The following UBA7 variants were observed in gnomAD, a reference collection of about 807,000 sequenced individuals.
UBA7 encodes ubiquitin-like modifier-activating enzyme 7.
In UBA7, 88 loss-of-function variants were observed where a neutral mutation model predicts 113.0. That is an observed-to-expected ratio of 0.78 (90% CI 0.66 to 0.93). The LOEUF is 0.93. Among genes scored for constraint, UBA7 ranks in the 40% least tolerant of loss-of-function variants. The pLI is 0.00. For synonymous variants in UBA7, 459 were observed against 513.0 expected (o/e 0.89, Z 1.42); for missense variants, 1,092 against 1,266.4 (o/e 0.86, Z 2.09).
chr3:49,805,841 C>G (rs1324595779), intron 23 of UBA7, 56 bp downstream of exon 23: 25 of 1,501,390 alleles, frequency 1.7e-5, no homozygotes, highest in Middle Eastern at 4.1e-4. Flanking sequence ...AGTGTGGTCC[C>G]TAGCCCCAGC....
At chr3:49,808,597 C>G (rs1162305635) in intron 18 of UBA7, 129 bp from the exon 19 acceptor site, 1 of 1,000,482 alleles carries the variant, frequency 1.0e-6, no homozygotes, top group Non-Finnish European at 1.5e-6. Context: ...CAAGAAGCCC[C>G]CTTAATTAAT....
At position 49,807,155 on chromosome 3, in the gene UBA7, T is replaced by G. The variant is rs2081467545; in HGVS notation, c.2715+581A>C. ...CATGCATCTCCATGCATGCCCACAT[T>G]GAGGACACAGGAAGATGGGAGCCCT... On this transcript the variant is annotated intron_variant, in intron 21 of 23. Transcript: ENST00000333486. This position sits in a 1 kb window ranked among gnomAD's most constrained non-coding sequence, Gnocchi z 4.0. Among the ~76,000 whole-genome samples, 1 of 152,108 alleles carries G rather than the reference T, an allele frequency of 6.6e-6. No individual in the cohort carries two copies. The highest frequency in any genetic ancestry group is 2.4e-5 in the African/African-American group (1 of 41,424).
chr3:49,806,356 G>A (rs2081453282), intron 21 of UBA7, 191 bp from the exon 22 acceptor site: 1 of 609,812 alleles, frequency 1.6e-6, no homozygotes, highest in African/African-American at 1.9e-5. Flanking sequence ...GGCCAGCACA[G>A]GAAATGGGGC....
In UBA7 at chr3:49,805,979, C is replaced by T; in HGVS notation, c.2827G>A (p.Val943Met). 6.4e-7 allele frequency: 1 copy of T among 1,566,890 alleles called. No individual in the cohort carries two copies. Among genetic ancestry groups the T allele is most frequent in the Non-Finnish European group, 8.7e-7 (1 of 1,155,690 alleles). The change falls in exon 23 of 24, where the codon GTG becomes ATG. Residue 943 changes from valine (V) to methionine (M), a missense_variant. Physicochemically the swap from Val to Met is conservative, Grantham distance 21. Transcript: ENST00000333486. ...AHLQEQHGLR[V>M]RILLHGSALL... is the part of the protein sequence containing the mutation. ...GCTGAGCCGTGCAGCAGGATCCTCACCCTCAACCCGTGCTGCTCCTAGAGG... is the reference window on the plus strand; with the variant it reads ...GCTGAGCCGTGCAGCAGGATCCTCATCCTCAACCCGTGCTGCTCCTAGAGG...
Position 49,807,932 on chromosome 3 carries a change from C to G in UBA7, c.2524-5G>C, listed in dbSNP as rs549814453. On this transcript the variant is annotated splice_polypyrimidine_tract_variant and splice_region_variant and intron_variant, in intron 20 of 23. Transcript: ENST00000333486. This position sits in a 1 kb window ranked among gnomAD's most constrained non-coding sequence, Gnocchi z 4.0. ...CTGGCCCACAATTCGCTTGCTCTGC[C>G]AAGGACAAGAGATTTGGTCTGGGCC... 6.2e-7 allele frequency: 1 copy of G among 1,612,566 alleles called. No homozygotes were observed. Among genetic ancestry groups the G allele is most frequent in the East Asian group, 2.2e-5 (1 of 44,822 alleles).
intron 23 of UBA7, 21 bp downstream of exon 23, chr3:49,805,876 T>A (rs1185681626): frequency 6.5e-7 from 1 of 1,548,848 alleles, no homozygotes; most frequent in South Asian, 1.2e-5. Context: ...GGGGCCTGTC[T>A]AAAGCCCCAA....
At chr3:49,812,603 G>A (rs747970124) in intron 5 of UBA7, 45 bp downstream of exon 5, 1 of 1,614,178 alleles carries the variant, frequency 6.2e-7, no homozygotes, top group Non-Finnish European at 8.5e-7. Context: ...GGCCCTGGCA[G>A]CCTCTCCTTG....
In UBA7 at chr3:49,807,644, G is replaced by T. The variant is rs765730931; in HGVS notation, c.2715+92C>A. On this transcript the variant is annotated intron_variant, in intron 21 of 23. Transcript: ENST00000333486. The surrounding 1 kb of genome is among the most constrained non-coding windows in gnomAD (Gnocchi z 4.0). ...GGACTTCTGCACAGTCTGAGTTTCA[G>T]TGAGAGCCGGCAGCTAGATTGGGGC... The T allele has an allele frequency of 1.0e-5, 15 of 1,456,078 alleles. No homozygotes were observed. The highest frequency in any genetic ancestry group is 2.3e-5 in the East Asian group (1 of 43,250). 90.2% of individuals were successfully genotyped at this position (1,456,078 alleles called of 1,614,324 possible).
chr3:49,807,975 G>T lies in UBA7; in HGVS notation c.2523+45C>A. 2 of 1,614,070 alleles carry T rather than the reference G, an allele frequency of 1.2e-6. No individual in the cohort carries two copies. The highest frequency in any genetic ancestry group is 1.7e-6 in the Non-Finnish European group (2 of 1,179,964). On this transcript the variant is annotated intron_variant, in intron 20 of 23. Coordinates refer to ENST00000333486, the MANE Select transcript of UBA7 (RefSeq NM_003335.3). The surrounding 1 kb of genome is among the most constrained non-coding windows in gnomAD (Gnocchi z 4.0). ...TCTGGGCCCAAGGCGTAGGGCCAGGGTTTGCCCTCCACCTCCAGGCCCAAG... is the reference window on the plus strand; with the variant it reads ...TCTGGGCCCAAGGCGTAGGGCCAGGTTTTGCCCTCCACCTCCAGGCCCAAG...
Position 49,813,943 on chromosome 3 carries a change from C to A in UBA7, c.-156G>T. On this transcript the variant is annotated 5_prime_UTR_variant, in exon 1 of 24. It adds an upstream start codon to the 5' untranslated region. Coordinates refer to ENST00000333486, the MANE Select transcript of UBA7 (RefSeq NM_003335.3). ...GACGCTGCTGGTCACAGCTCTCTTCCTGGAGAAAAGAAAAGTGAAAGTTAA... is the reference window on the plus strand; with the variant it reads ...GACGCTGCTGGTCACAGCTCTCTTCATGGAGAAAAGAAAAGTGAAAGTTAA... 1.4e-6 allele frequency: 1 copy of A among 698,268 alleles called. No individual in the cohort carries two copies. The highest frequency in any genetic ancestry group is 1.8e-5 in the South Asian group (1 of 55,116). The allele number at this position is 698,268 out of a possible 1,614,324, so 43.3% of individuals were successfully genotyped here. A position where few individuals can be genotyped will look rare whatever the true frequency, so the allele number is the denominator to read the frequency against.
Position 49,807,721 on chromosome 3 carries a change from G to A in UBA7, c.2715+15C>T, listed in dbSNP as rs372069280. ...CAGGCCTAGTAGGGCTAAGGGTGGG[G>A]TATCATGGGCTCACCGTCTGGATGG... On this transcript the variant is annotated intron_variant, in intron 21 of 23. Coordinates refer to ENST00000333486, the MANE Select transcript of UBA7 (RefSeq NM_003335.3). This position sits in a 1 kb window ranked among gnomAD's most constrained non-coding sequence, Gnocchi z 4.0. 13 of 1,594,134 alleles carry A rather than the reference G, an allele frequency of 8.2e-6. No homozygotes were observed. The South Asian group carries it at 1.5e-4, about 18-fold the overall frequency.
In UBA7 at chr3:49,807,782, T is replaced by C. The variant is rs1342490735; in HGVS notation, c.2669A>G (p.Glu890Gly). 1 of 1,613,766 alleles carries C rather than the reference T, an allele frequency of 6.2e-7. No homozygotes were observed. Among genetic ancestry groups the C allele is most frequent in the Admixed American group, 1.7e-5 (1 of 59,982 alleles). ...AFRHSYLHLAENYLIRYMPFA... is the reference protein window; with the variant it reads ...AFRHSYLHLAGNYLIRYMPFA... ...AGGCATATAGCGGATGAGGTAGTTT[T>C]CAGCCAGATGTAGGTAGCTGTGGCG... Residue 890 changes from glutamate (E) to glycine (G), a missense_variant, in exon 21 of 24, where the codon GAA (glutamate) becomes GGA (glycine). Physicochemically the swap from Glu to Gly is moderately conservative, Grantham distance 98. Transcript: ENST00000333486. This position sits in a 1 kb window ranked among gnomAD's most constrained non-coding sequence, Gnocchi z 4.0.
rs141563072 is a variant in UBA7, at chr3:49,809,835, C to G, written c.1884G>C (p.Glu628Asp). The change falls in exon 15 of 24, where the codon GAG becomes GAC. Residue 628 changes from glutamate to aspartate, a missense_variant. Physicochemically the swap from Glu to Asp is conservative, Grantham distance 45 (BLOSUM62 2). Transcript: ENST00000333486. ...CTTACTGTTGGTGGTGGTTGATGGT[C>G]TCTGCAGACAGTCGGAAGAGTTCTT... ...EFEELFRLSA[E>D]TINHHQQAHT... is the part of the protein sequence containing the mutation. 42 of 1,614,034 alleles carry G rather than the reference C, an allele frequency of 2.6e-5. No individual in the cohort carries two copies. The highest frequency in any genetic ancestry group is 3.3e-5 in the Non-Finnish European group (39 of 1,180,042).
Position 49,809,162 on chromosome 3 carries a change from G to A in UBA7, c.2164-3C>T, listed in dbSNP as rs759723376. 2 of 1,607,400 alleles carry A rather than the reference G, an allele frequency of 1.2e-6. No individual in the cohort carries two copies. The highest frequency in any genetic ancestry group is 2.2e-5 in the East Asian group (1 of 44,738). On this transcript the variant is annotated splice_region_variant and splice_polypyrimidine_tract_variant and intron_variant, in intron 17 of 23. Transcript: ENST00000333486. ...AGTACGTAGAGGAGGTGTGTGTCCT[G>A]CAGCCAGACCAAGAGCAGGAACAGA...
chr3:49,811,842 T>TG, intron 8 of UBA7, 28 bp downstream of exon 8: 2 of 1,610,040 alleles, frequency 1.2e-6, no homozygotes. Context: ...TGACAGAGGC[T>TG]GGGGGTGGGA....
rs2108302716 is a variant in UBA7 at position 49,813,722 on chromosome 3, CG to C, written c.56+9del. ...CCATCCCACTCTCCACCCCCCACCT[CG>C]GGCCTCACAGCTGTCTTGAATACAG... On this transcript the variant is annotated intron_variant, in intron 1 of 23. Coordinates refer to ENST00000333486, the MANE Select transcript of UBA7 (RefSeq NM_003335.3). 6.2e-7 allele frequency: 1 copy of C among 1,614,264 alleles called. No individual in the cohort carries two copies. The highest frequency in any genetic ancestry group is 2.2e-5 in the East Asian group (1 of 44,892).
At chr3:49,808,541 T>C in intron 18 of UBA7, 73 bp from the exon 19 acceptor site, 1 of 1,505,408 alleles carries the variant, frequency 6.6e-7, no homozygotes, top group Non-Finnish European at 9.0e-7. Flanking sequence ...CCTGTGCCTA[T>C]TCTTGGTCTT....
At position 49,812,985 on chromosome 3, in the gene UBA7, G is replaced by A. The variant is rs1398821613; in HGVS notation, c.467+77C>T. On this transcript the variant is annotated intron_variant, in intron 4 of 23. Transcript: ENST00000333486. ...TGAGGCTGGTTGGAGGGGCACTGGAGCAAGCCTGGAGCTGAGGACAGCATG... is the reference window on the plus strand; with the variant it reads ...TGAGGCTGGTTGGAGGGGCACTGGAACAAGCCTGGAGCTGAGGACAGCATG... The A allele has an allele frequency of 8.7e-5, 132 of 1,519,672 alleles. No homozygotes were observed. The South Asian group carries it at 1.5e-3, about 17-fold the overall frequency. 94.1% of individuals were successfully genotyped at this position (1,519,672 alleles called of 1,614,324 possible). A position where few individuals can be genotyped will look rare whatever the true frequency, so the allele number is the denominator to read the frequency against.
At chr3:49,812,075 C>G in intron 7 of UBA7, 34 bp downstream of exon 7, 1 of 1,614,200 alleles carries the variant, frequency 6.2e-7, no homozygotes, top group Non-Finnish European at 8.5e-7. Flanking sequence ...TCAAGGCGAC[C>G]AAGCTCCCCT....
Sources: gnomAD v4.1 joint callset for allele counts (sites outside exome capture counted in the v4.1 genomes callset) on GRCh38, gnomAD v4.1.1 for gene constraint, Gnocchi (gnomAD v3.1) non-coding constraint, MANE v1.5 for transcripts, NCBI Gene and HGNC (gene_info 2026-07-23, HGNC 2026-07-21) for gene names.